Variants in TLCD4 observed in about 807,000 individuals in gnomAD.
TLCD4 encodes TLC domain-containing protein 4.
A neutral mutation model predicts 24.2 loss-of-function variants in TLCD4; 7 were observed. The observed-to-expected ratio is 0.29, with a 90% CI of 0.16 to 0.54. TLCD4 has a LOEUF of 0.54. Among genes scored for constraint, TLCD4 ranks in the 20% least tolerant of loss-of-function variants. The pLI is 0.95. For synonymous variants in TLCD4, 103 were observed against 106.4 expected (o/e 0.97, Z 0.20); for missense variants, 259 against 313.9 (o/e 0.82, Z 1.32).
rs2391629 is a variant in TLCD4 at position 95,126,199 on chromosome 1, A to T, written c.-12+8582A>T. Among the ~76,000 whole-genome samples the T allele has an allele frequency of 3.3e-5, 5 of 151,700 alleles. No individual in the cohort carries two copies. The South Asian group carries it at 6.2e-4, about 19-fold the overall frequency. ...CCCAGCACTTTGGGAGGCTGAGGTG[A>T]GTGGATCACTTGAGGTCAGGAGTTT... On this transcript the variant is annotated intron_variant, in intron 1 of 6. Transcript: ENST00000370203.
rs558853530 is a variant in TLCD4 at position 95,151,398 on chromosome 1, G to A, written c.378G>A (p.Leu126=). The A allele has an allele frequency of 6.2e-7, 1 of 1,613,226 alleles. No individual in the cohort carries two copies. Among genetic ancestry groups the A allele is most frequent in the South Asian group, 1.1e-5 (1 of 91,064 alleles). The change falls in exon 5 of 7, where the codon CTG becomes CTA. Residue 126 remains leucine (L), a synonymous_variant. Transcript: ENST00000370203. ...TTATAATGCATCATTGTGCGTCCCT[G>A]TATGCATACTACCTTGTACTGGTGA... ...KFFIMHHCAS[L]YAYYLVLKNG...
rs369047773 is a variant in TLCD4, at chr1:95,122,810, TTTAA to T, written c.-12+5197_-12+5200del. 3.3e-3 allele frequency among the ~76,000 whole-genome samples: 507 copies of T among 152,342 alleles called. 4 individuals are homozygous for T. Among genetic ancestry groups the T allele is most frequent in the African/African-American group, 0.012 (480 of 41,574 alleles). On this transcript the variant is annotated intron_variant, in intron 1 of 6. Coordinates refer to ENST00000370203, the MANE Select transcript of TLCD4 (RefSeq NM_152487.3). ...GAGAAACTTTCTTGGTCAAATTAAT[TTTAA>T]TTAGTTTTCTCCAAATAGGCTGAAA...
At chr1:95,119,131 C>T (rs1676507087) in intron 1 of TLCD4, among the ~76,000 whole-genome samples, 1 of 152,096 alleles carries the variant, frequency 6.6e-6, no homozygotes, top group African/African-American at 2.4e-5. Context: ...GCCTTCTTTA[C>T]CCTGGTGGAA....
At position 95,195,263 on chromosome 1, in the gene TLCD4, T is replaced by G. The variant is rs1679159548; in HGVS notation, c.*3395T>G. ...TTACTGTTGGTTGCACCATCTGTTA[T>G]CAGGCATGCAGAAACATTTTTCTTC... On this transcript the variant is annotated 3_prime_UTR_variant, in exon 7 of 7. Transcript: ENST00000370203. The G allele has an allele frequency of 6.6e-6, 1 of 152,206 alleles. No individual in the cohort carries two copies. The highest frequency in any genetic ancestry group is 2.1e-4 in the South Asian group (1 of 4,834). 9.4% of individuals were successfully genotyped at this position (152,206 alleles called of 1,614,324 possible).
chr1:95,109,925 A>G, the TLCD4 span, among the ~76,000 whole-genome samples: 1 of 102,984 alleles, frequency 9.7e-6, no homozygotes, highest in Non-Finnish European at 2.0e-5. Context: ...ATATATATAT[A>G]TATATATATA....
chr1:95,159,629 A>G (rs1448400058), intron 5 of TLCD4, among the ~76,000 whole-genome samples: 4 of 152,110 alleles, frequency 2.6e-5, no homozygotes, highest in Admixed American at 6.5e-5. Context: ...TAGAGTTTTT[A>G]TGGTTTTAGG....
intron 5 of TLCD4, among the ~76,000 whole-genome samples, chr1:95,157,959 A>T (rs1677677601): frequency 6.6e-6 from 1 of 152,134 alleles, no homozygotes; most frequent in Admixed American, 6.6e-5. Context: ...GAAGGAATTG[A>T]TGTGGCCCTG....
chr1:95,125,717 T>G (rs1337242217), intron 1 of TLCD4: 1 of 152,218 alleles, frequency 6.6e-6, no homozygotes, highest in Admixed American at 6.5e-5. Flanking sequence ...ATCATAGGTA[T>G]AAACAAGCTG....
chr1:95,137,538 G>A (rs897106852), intron 1 of TLCD4, among the ~76,000 whole-genome samples: 1 of 152,102 alleles, frequency 6.6e-6, no homozygotes, highest in Non-Finnish European at 1.5e-5. Flanking sequence ...TCACAAATGG[G>A]GGAAATGAGT....
chr1:95,158,275 C>T (rs1677687267), intron 5 of TLCD4, among the ~76,000 whole-genome samples: 1 of 149,488 alleles, frequency 6.7e-6, no homozygotes, highest in African/African-American at 2.5e-5. Context: ...GCAGCCTTGA[C>T]CTCCCAGGGC....
intron 1 of TLCD4, among the ~76,000 whole-genome samples, chr1:95,124,107 A>G (rs1676647396): frequency 6.6e-6 from 1 of 152,226 alleles, no homozygotes; most frequent in Non-Finnish European, 1.5e-5. Context: ...TGACTATAGT[A>G]TCTTTAGTTT....
intron 1 of TLCD4, among the ~76,000 whole-genome samples, chr1:95,128,992 TA>T (rs1676816540): frequency 6.6e-6 from 1 of 152,184 alleles, no homozygotes; most frequent in Admixed American, 6.5e-5. Flanking sequence ...AGCCTTTGAG[TA>T]TGGATACTTT....
At chr1:95,129,411 C>T (rs1037243442) in intron 1 of TLCD4, among the ~76,000 whole-genome samples, 48 of 152,158 alleles carry the variant, frequency 3.2e-4, no homozygotes, top group African/African-American at 1.1e-3. Flanking sequence ...TGAGCAATTC[C>T]TTGTTAAACC....
At chr1:95,142,130 C>CT (rs35609217) in intron 1 of TLCD4, among the ~76,000 whole-genome samples, 84,810 of 119,154 alleles carry the variant, frequency 0.71, 31,302 homozygotes, top group Middle Eastern at 0.8. Context: ...GCCTTAGTGC[C>CT]TTTTTTTTTT....
intron 5 of TLCD4, among the ~76,000 whole-genome samples, chr1:95,153,815 G>C (rs938496452): frequency 6.6e-6 from 1 of 152,066 alleles, no homozygotes; most frequent in African/African-American, 2.4e-5. Context: ...AGAACTATAA[G>C]GACATGATGG....
the TLCD4 span, among the ~76,000 whole-genome samples, chr1:95,104,711 A>G: frequency 1.3e-5 from 2 of 150,310 alleles, no homozygotes; most frequent in African/African-American, 2.4e-5. Flanking sequence ...ACTGAACATC[A>G]TAGCTTAGCC....
At chr1:95,130,447 C>T (rs1202113350) in intron 1 of TLCD4, among the ~76,000 whole-genome samples, 5 of 152,198 alleles carry the variant, frequency 3.3e-5, no homozygotes, top group South Asian at 2.1e-4. Context: ...CCACAGTGCC[C>T]GGCCCGACAG....
intron 1 of TLCD4, among the ~76,000 whole-genome samples, chr1:95,135,657 G>A (rs1677021763): frequency 6.6e-6 from 1 of 151,886 alleles, no homozygotes; most frequent in Non-Finnish European, 1.5e-5. Flanking sequence ...CTTGGCCTCC[G>A]AAAGTGCTGA....
rs570489449 is a variant in TLCD4, at chr1:95,192,191, C to T, written c.*323C>T. 9 of 229,350 alleles carry T rather than the reference C, an allele frequency of 3.9e-5. 1 individual carries two copies. The highest frequency in any genetic ancestry group is 3.1e-4 in the South Asian group (4 of 12,890). 14.2% of individuals were successfully genotyped at this position (229,350 alleles called of 1,614,324 possible). A position where few individuals can be genotyped will look rare whatever the true frequency, so the allele number is the denominator to read the frequency against. On this transcript the variant is annotated 3_prime_UTR_variant, in exon 7 of 7. Coordinates refer to ENST00000370203, the MANE Select transcript of TLCD4 (RefSeq NM_152487.3). ...GTTGGCGCCTGTAATCCCAGCTACT[C>T]GGGAGGCTGAGGCAGGAGAATCGCT...
Sources: allele counts gnomAD v4.1 joint callset (sites outside exome capture counted in the v4.1 genomes callset), GRCh38; gene constraint gnomAD v4.1.1; transcripts MANE v1.5; gene names NCBI Gene and HGNC (gene_info 2026-07-23, HGNC 2026-07-21).